VPS13B: variants seen among roughly 807,000 people sequenced by gnomAD.
VPS13B encodes the protein intermembrane lipid transfer protein VPS13B.
A neutral mutation model predicts 426.4 loss-of-function variants in VPS13B; 285 were observed. The ratio of observed to expected loss-of-function variants is 0.67; its 90% CI spans 0.61 to 0.74. The LOEUF (loss-of-function observed/expected upper bound fraction) is 0.74, where lower values mean the gene tolerates loss of function less well. VPS13B is among the 30% of genes least tolerant of loss of function. VPS13B has a pLI of 0.00. For synonymous variants in VPS13B, 1,676 were observed against 1,676.4 expected (o/e 1.00, Z 0.01); for missense variants, 4,537 against 4,782.6 (o/e 0.95, Z 1.51).
intron 34 of VPS13B, among the ~76,000 whole-genome samples, chr8:99,645,334 A>T (rs761549112): frequency 1.3e-5 from 2 of 152,222 alleles, no homozygotes; most frequent in Non-Finnish European, 2.9e-5. Flanking sequence ...AGTACTTAGC[A>T]TTGAGCCAGC....
rs1221587758 is a variant in VPS13B, at chr8:99,185,045, A to G, written c.2334-7831A>G. 4.6e-5 allele frequency among the ~76,000 whole-genome samples: 7 copies of G among 152,240 alleles called. No individual in the cohort carries two copies. The East Asian group carries it at 1.3e-3, about 29-fold the overall frequency. Reference sequence around the variant, plus strand: ...TGGATGTTGAAAAAGATACTCCGATACACTGCTGACGAATGTGAAAATTCA... The same window carrying G: ...TGGATGTTGAAAAAGATACTCCGATGCACTGCTGACGAATGTGAAAATTCA... On this transcript the variant is annotated intron_variant, in intron 16 of 61. Transcript: ENST00000357162.
intron 23 of VPS13B, among the ~76,000 whole-genome samples, chr8:99,452,442 G>A (rs1005378869): frequency 7.2e-5 from 11 of 152,180 alleles, no homozygotes; most frequent in Middle Eastern, 3.4e-3. Flanking sequence ...TACCTCTCTT[G>A]CTCGTTGCTG....
At chr8:99,174,497 C>T (rs913216795) in intron 16 of VPS13B, among the ~76,000 whole-genome samples, 4 of 152,094 alleles carry the variant, frequency 2.6e-5, no homozygotes, top group Admixed American at 6.5e-5. Flanking sequence ...TAATAGCTAT[C>T]GTAACAAATA....
chr8:99,633,824 T>TGTGCGTGTGTGTGTGTGC (rs1828953807), intron 33 of VPS13B, among the ~76,000 whole-genome samples: 1 of 151,444 alleles, frequency 6.6e-6, no homozygotes, highest in Non-Finnish European at 1.5e-5. Flanking sequence ...TGTGTGTGTG[T>TGTGCGTGTGTGTGTGTGC]GTGTGTGTGT....
intron 3 of VPS13B, among the ~76,000 whole-genome samples, chr8:99,064,958 A>ATTCTTAAAGAAAAGAATT (rs1844401229): frequency 6.6e-6 from 1 of 152,220 alleles, no homozygotes; most frequent in Non-Finnish European, 1.5e-5. Context: ...AATATTCAAC[A>ATTCTTAAAGAAAAGAATT]TTCTTAAAGA....
chr8:99,650,367 G>A (rs945530921), intron 34 of VPS13B, among the ~76,000 whole-genome samples: 2 of 152,162 alleles, frequency 1.3e-5, no homozygotes, highest in Non-Finnish European at 2.9e-5. Flanking sequence ...AATCAAGTTA[G>A]CAGGGGAAAA....
At chr8:99,388,443 G>A (rs189355316) in intron 20 of VPS13B, among the ~76,000 whole-genome samples, 9 of 152,118 alleles carry the variant, frequency 5.9e-5, no homozygotes, top group East Asian at 1.9e-4. Context: ...AGATGGTTAC[G>A]TTTTATAGGA....
chr8:99,055,846 C>T (rs1411344910), intron 3 of VPS13B, among the ~76,000 whole-genome samples: 3 of 151,520 alleles, frequency 2.0e-5, no homozygotes, highest in Non-Finnish European at 4.4e-5. Context: ...GCTCCCACCT[C>T]ATCTTCCCTA....
chr8:99,545,124 T>TCC (rs201696957), intron 30 of VPS13B, among the ~76,000 whole-genome samples: 2,157 of 152,298 alleles, frequency 0.014, 45 homozygotes, highest in Non-Finnish European at 0.017. Flanking sequence ...CTCTGCCATG[T>TCC]AAGACTCATC....
At chr8:99,050,072 C>T (rs1388406742) in intron 3 of VPS13B, among the ~76,000 whole-genome samples, 6 of 151,474 alleles carry the variant, frequency 4.0e-5, no homozygotes, top group Non-Finnish European at 5.9e-5. Context: ...TTAGGGTACA[C>T]GTGCACAACG....
intron 19 of VPS13B, among the ~76,000 whole-genome samples, chr8:99,296,179 T>C (rs1392563281): frequency 6.6e-6 from 1 of 152,168 alleles, no homozygotes; most frequent in Non-Finnish European, 1.5e-5. Context: ...TAAAAATGAG[T>C]TTGGAGTTTA....
chr8:99,540,887 C>G (rs928461463), intron 30 of VPS13B, among the ~76,000 whole-genome samples: 2 of 151,968 alleles, frequency 1.3e-5, no homozygotes, highest in African/African-American at 4.8e-5. Context: ...TGCTATTGCT[C>G]GGTGTTTTCT....
chr8:99,482,829 A>G (rs1486013625), intron 25 of VPS13B, among the ~76,000 whole-genome samples: 1 of 152,186 alleles, frequency 6.6e-6, no homozygotes, highest in African/African-American at 2.4e-5. Flanking sequence ...CCTATTCTAC[A>G]CAGGATCTCT....
chr8:99,065,312 C>T (rs1675423615), intron 3 of VPS13B, among the ~76,000 whole-genome samples: 1 of 152,194 alleles, frequency 6.6e-6, no homozygotes, highest in Admixed American at 6.5e-5. Flanking sequence ...AGCTTATCCA[C>T]CACGATCAAG....
At chr8:99,510,650 G>T (rs953604753) in intron 28 of VPS13B, among the ~76,000 whole-genome samples, 12 of 152,200 alleles carry the variant, frequency 7.9e-5, no homozygotes, top group African/African-American at 2.9e-4. Flanking sequence ...TTATAGGCAT[G>T]TACTACCATG....
chr8:99,479,266 T>G (rs1819910998), intron 24 of VPS13B, among the ~76,000 whole-genome samples: 1 of 152,102 alleles, frequency 6.6e-6, no homozygotes, highest in Non-Finnish European at 1.5e-5. Context: ...CCAGTGAAAT[T>G]GAATCTTTTT....
chr8:99,461,502 A>T (rs945921562), intron 23 of VPS13B, among the ~76,000 whole-genome samples: 1 of 152,148 alleles, frequency 6.6e-6, no homozygotes, highest in Non-Finnish European at 1.5e-5. Flanking sequence ...TTTCTAACTT[A>T]TTTAATGTCT....
intron 19 of VPS13B, among the ~76,000 whole-genome samples, chr8:99,353,887 T>C (rs1422514435): frequency 6.6e-6 from 1 of 152,130 alleles, no homozygotes; most frequent in Non-Finnish European, 1.5e-5. Context: ...TTATATAATA[T>C]TGTCTATGAT....
chr8:99,155,506 C>G (rs1239667623), intron 14 of VPS13B, among the ~76,000 whole-genome samples: 1 of 152,142 alleles, frequency 6.6e-6, no homozygotes, highest in Non-Finnish European at 1.5e-5. Flanking sequence ...TCATTCAGCT[C>G]TACCCTTCAG....
Sources: allele counts gnomAD v4.1 joint callset (sites outside exome capture counted in the v4.1 genomes callset), GRCh38; gene constraint gnomAD v4.1.1; transcripts MANE v1.5; gene names NCBI Gene and HGNC (gene_info 2026-07-23, HGNC 2026-07-21).